The following SLC22A3 variants were observed in gnomAD, a reference collection of about 807,000 sequenced individuals.
SLC22A3 encodes the protein solute carrier family 22 member 3, also known as EMT organic cation transporter 3.
A neutral mutation model predicts 59.1 loss-of-function variants in SLC22A3; 51 were observed. That is an observed-to-expected ratio of 0.86 (90% CI 0.69 to 1.09). SLC22A3 has a LOEUF of 1.09. Ranked by LOEUF, SLC22A3 falls within the 50% of genes least tolerant of loss-of-function variation. The pLI is 0.00. For synonymous variants in SLC22A3, 325 were observed against 292.0 expected (o/e 1.11, Z -1.15); for missense variants, 711 against 726.3 (o/e 0.98, Z 0.24).
At chr6:160,364,975 A>G (rs1443455803) in intron 1 of SLC22A3, among the ~76,000 whole-genome samples, 1 of 152,096 alleles carries the variant, frequency 6.6e-6, no homozygotes, top group Non-Finnish European at 1.5e-5. Context: ...CAATATAATG[A>G]TTTTTTTACT....
chr6:160,394,818 TG>T (rs1300623530), intron 1 of SLC22A3, among the ~76,000 whole-genome samples: 1 of 152,198 alleles, frequency 6.6e-6, no homozygotes, highest in African/African-American at 2.4e-5. Flanking sequence ...CTGGCAGCTG[TG>T]GGGCAGTATC....
intron 1 of SLC22A3, among the ~76,000 whole-genome samples, chr6:160,376,463 T>C (rs1785598164): frequency 6.6e-6 from 1 of 152,186 alleles, no homozygotes; most frequent in South Asian, 2.1e-4. Context: ...CTAACCACCA[T>C]GGCACACGTA....
intron 5 of SLC22A3, among the ~76,000 whole-genome samples, chr6:160,426,877 C>T (rs1230126016): frequency 6.6e-6 from 1 of 152,142 alleles, no homozygotes; most frequent in Admixed American, 6.5e-5. Flanking sequence ...CCCTGAATAA[C>T]GCCAGCTTGC....
chr6:160,404,532 T>C (rs930156546), intron 2 of SLC22A3, among the ~76,000 whole-genome samples: 1 of 152,098 alleles, frequency 6.6e-6, no homozygotes, highest in African/African-American at 2.4e-5. Flanking sequence ...TTGATGTATA[T>C]ATTCAATACA....
chr6:160,397,208 G>GATTCTC (rs1786507891), intron 1 of SLC22A3, among the ~76,000 whole-genome samples: 1 of 152,134 alleles, frequency 6.6e-6, no homozygotes, highest in Admixed American at 6.5e-5. Context: ...GCATTAGTTA[G>GATTCTC]ATTCTCATAA....
chr6:160,354,924 T>A (rs1784778354), intron 1 of SLC22A3, among the ~76,000 whole-genome samples: 1 of 152,140 alleles, frequency 6.6e-6, no homozygotes, highest in Non-Finnish European at 1.5e-5. Flanking sequence ...TGGTCAGTGA[T>A]GTTGGGGAAG....
chr6:160,363,565 T>C (rs755504883), intron 1 of SLC22A3, among the ~76,000 whole-genome samples: 1 of 152,146 alleles, frequency 6.6e-6, no homozygotes, highest in Non-Finnish European at 1.5e-5. Flanking sequence ...GTTGGGGTTT[T>C]CCTGTGGCCT....
rs771723533 is a variant in SLC22A3, at chr6:160,355,597, T to TAAA, written c.429+6761_429+6763dup. Among the ~76,000 whole-genome samples the TAAA allele has an allele frequency of 5.8e-4, 83 of 143,592 alleles. 1 individual carries two copies. Among genetic ancestry groups the TAAA allele is most frequent in the Middle Eastern group, 3.6e-3 (1 of 280 alleles). The allele number at this position is 143,592 out of a possible 152,430, so 94.2% of individuals were successfully genotyped here. On this transcript the variant is annotated intron_variant, in intron 1 of 10. Coordinates refer to ENST00000275300, the MANE Select transcript of SLC22A3 (RefSeq NM_021977.4). The stretch of plus-strand genomic sequence containing the variant: ...TAACACGGTGAAACCCCGTCTCTAC[T>TAAA]AAAAAAAAAAAAAATACAAAAACGA...
intron 5 of SLC22A3, among the ~76,000 whole-genome samples, chr6:160,435,723 T>G (rs1284667324): frequency 1.3e-5 from 2 of 152,042 alleles, no homozygotes; most frequent in African/African-American, 2.4e-5. Flanking sequence ...AAATCTGGAG[T>G]TGTACAAATA....
chr6:160,402,217 C>T (rs2114842164), intron 2 of SLC22A3, among the ~76,000 whole-genome samples: 1 of 151,966 alleles, frequency 6.6e-6, no homozygotes, highest in Non-Finnish European at 1.5e-5. Context: ...TAGCAGTAAT[C>T]AAAGTAAAGC....
intron 5 of SLC22A3, among the ~76,000 whole-genome samples, chr6:160,428,406 G>A (rs535524102): frequency 1.6e-4 from 25 of 152,344 alleles, no homozygotes; most frequent in South Asian, 4.1e-4. Context: ...GCTCAGTGCA[G>A]CACGGTAGCT....
At chr6:160,421,247 G>C (rs922269075) in intron 5 of SLC22A3, among the ~76,000 whole-genome samples, 1 of 152,098 alleles carries the variant, frequency 6.6e-6, no homozygotes, top group Non-Finnish European at 1.5e-5. Flanking sequence ...TTTTTCCCTA[G>C]CTAGCCTCTC....
At chr6:160,389,160 G>A (rs1160143977) in intron 1 of SLC22A3, among the ~76,000 whole-genome samples, 5 of 152,116 alleles carry the variant, frequency 3.3e-5, no homozygotes, top group Admixed American at 1.3e-4. Flanking sequence ...GAAATATCTC[G>A]TATAGAAGGC....
chr6:160,359,057 G>T (rs1229061795), intron 1 of SLC22A3, among the ~76,000 whole-genome samples: 1 of 152,172 alleles, frequency 6.6e-6, no homozygotes, highest in Non-Finnish European at 1.5e-5. Context: ...CACCCATCTG[G>T]CTCATGCCTG....
chr6:160,442,676 C>G (rs572100387), intron 7 of SLC22A3, 85 bp from the exon 8 acceptor site: 7 of 1,021,350 alleles, frequency 6.9e-6, no homozygotes, highest in African/African-American at 1.6e-5. Context: ...CTGGAGGCCA[C>G]TAAGCAAATA....
chr6:160,398,080 C>A lies in SLC22A3; in HGVS notation c.531C>A (p.Asp177Glu). ...TGAFTLGYAA[D>E]RYGRIVIYLL... ...CATTCACCTTAGGCTATGCAGCAGA[C>A]AGGTAGGTACCAATGTGACAGCCAT... The change falls in exon 2 of 11, where the codon GAC (aspartate) becomes GAA (glutamate). Residue 177 changes from aspartate (D) to glutamate (E), a missense_variant and splice_region_variant. Physicochemically the swap from Asp to Glu is conservative, Grantham distance 45. Transcript: ENST00000275300. 6.2e-7 allele frequency: 1 copy of A among 1,610,548 alleles called. No individual in the cohort carries two copies. The highest frequency in any genetic ancestry group is 8.5e-7 in the Non-Finnish European group (1 of 1,176,856).
At chr6:160,360,074 A>G (rs954976787) in intron 1 of SLC22A3, among the ~76,000 whole-genome samples, 1 of 152,228 alleles carries the variant, frequency 6.6e-6, no homozygotes, top group African/African-American at 2.4e-5. Context: ...AGCATGCTAT[A>G]CAATTATTTT....
At chr6:160,359,602 G>A (rs761559996) in intron 1 of SLC22A3, among the ~76,000 whole-genome samples, 102 of 152,298 alleles carry the variant, frequency 6.7e-4, no homozygotes, top group Non-Finnish European at 1.3e-3. Context: ...AGGAGAGCCT[G>A]CAGTTTAATT....
intron 1 of SLC22A3, among the ~76,000 whole-genome samples, chr6:160,358,613 T>G (rs1394983027): frequency 1.3e-5 from 2 of 152,172 alleles, no homozygotes; most frequent in Non-Finnish European, 2.9e-5. Context: ...CCCCGTGGAT[T>G]CAGTTGTGAT....
Sources: allele counts gnomAD v4.1 joint callset (sites outside exome capture counted in the v4.1 genomes callset), GRCh38; gene constraint gnomAD v4.1.1; transcripts MANE v1.5; gene names NCBI Gene and HGNC (gene_info 2026-07-23, HGNC 2026-07-21).